Variants in C7orf33 observed in about 807,000 individuals in gnomAD.
The protein encoded by C7orf33 is chromosome 7 open reading frame 33.
A neutral mutation model predicts 13.4 loss-of-function variants in C7orf33; 15 were observed. The ratio of observed to expected loss-of-function variants is 1.12; its 90% CI spans 0.75 to 1.72. The LOEUF is 1.72. Among genes scored for constraint, C7orf33 ranks in the 40% most tolerant of loss-of-function variants. C7orf33 has a pLI of 0.00. For missense variants in C7orf33, 187 were observed against 220.3 expected (o/e 0.85, Z 0.96); for synonymous variants, 73 against 83.2 (o/e 0.88, Z 0.67).
At chr7:148,611,757 C>G (rs1056348293) in intron 1 of C7orf33, among the ~76,000 whole-genome samples, 8 of 152,244 alleles carry the variant, frequency 5.3e-5, no homozygotes, top group Non-Finnish European at 1.2e-4. Context: ...TCTGAAAGAG[C>G]TTGGGTTACA....
intron 1 of C7orf33, among the ~76,000 whole-genome samples, chr7:148,594,111 C>T (rs57386486): frequency 0.011 from 1,660 of 151,812 alleles, 28 homozygotes; most frequent in African/African-American, 0.038. Flanking sequence ...CCCCAGAAGC[C>T]GAGCAGACGC....
intron 1 of C7orf33, among the ~76,000 whole-genome samples, chr7:148,612,450 G>A (rs1404525184): frequency 6.6e-6 from 1 of 152,092 alleles, no homozygotes; most frequent in African/African-American, 2.4e-5. Flanking sequence ...ATGTATTATC[G>A]ACAAAGTGTA....
At chr7:148,600,793 G>A (rs1361586155) in intron 1 of C7orf33, among the ~76,000 whole-genome samples, 1 of 146,278 alleles carries the variant, frequency 6.8e-6, no homozygotes, top group African/African-American at 2.6e-5. Flanking sequence ...TCCATTTTAT[G>A]GACTTCTTTT....
intron 1 of C7orf33, 121 bp downstream of exon 1, chr7:148,591,250 T>C (rs1442459876): frequency 2.4e-6 from 2 of 842,704 alleles, no homozygotes; most frequent in Non-Finnish European, 3.8e-6. Context: ...GAACTGGGCT[T>C]AACGACATTG....
rs1796263288 is a variant in C7orf33 at position 148,591,056 on chromosome 7, C to T, written c.131C>T (p.Ala44Val). 1 of 1,613,970 alleles carries T rather than the reference C, an allele frequency of 6.2e-7. No individual in the cohort carries two copies. Among genetic ancestry groups the T allele is most frequent in the Admixed American group, 1.7e-5 (1 of 59,970 alleles). Residue 44 changes from alanine (A) to valine (V), a missense_variant, in exon 1 of 3, where the codon GCA (alanine) becomes GTA (valine). Transcript: ENST00000307003. Reference sequence around the variant, plus strand: ...ATTGACCTTCGCCTGAGTGGGAGGGCAGTCGCTGTTTGGGTCCACGTTAGG... The same window carrying T: ...ATTGACCTTCGCCTGAGTGGGAGGGTAGTCGCTGTTTGGGTCCACGTTAGG... ...RRIDLRLSGR[A>V]VAVWVHVRGG...
At chr7:148,607,462 A>G (rs1405429767) in intron 1 of C7orf33, among the ~76,000 whole-genome samples, 1 of 152,190 alleles carries the variant, frequency 6.6e-6, no homozygotes, top group Non-Finnish European at 1.5e-5. Context: ...ACTCCCACAC[A>G]TGTCTGGAAG....
At chr7:148,597,657 C>T (rs1361181980) in intron 1 of C7orf33, among the ~76,000 whole-genome samples, 4 of 152,204 alleles carry the variant, frequency 2.6e-5, no homozygotes, top group African/African-American at 7.2e-5. Flanking sequence ...ATACTAGCCC[C>T]ATCCTTCCCA....
intron 1 of C7orf33, among the ~76,000 whole-genome samples, chr7:148,606,933 T>TACAC (rs112000703): frequency 0.071 from 9,880 of 139,226 alleles, 502 homozygotes; most frequent in East Asian, 0.23. Context: ...AAAAAAAAAA[T>TACAC]ACACACACAC....
intron 1 of C7orf33, among the ~76,000 whole-genome samples, chr7:148,605,511 TGTGA>T (rs1222893556): frequency 6.6e-6 from 1 of 152,224 alleles, no homozygotes; most frequent in African/African-American, 2.4e-5. Flanking sequence ...TCACTGCTCC[TGTGA>T]GTATCATCCT....
chr7:148,599,132 G>A (rs1309289111), intron 1 of C7orf33, among the ~76,000 whole-genome samples: 1 of 151,930 alleles, frequency 6.6e-6, no homozygotes, highest in Admixed American at 6.6e-5. Flanking sequence ...CAAAGTGCTG[G>A]GATTACAGGT....
At chr7:148,604,360 C>T (rs1302806807) in intron 1 of C7orf33, among the ~76,000 whole-genome samples, 1 of 152,192 alleles carries the variant, frequency 6.6e-6, no homozygotes, top group Non-Finnish European at 1.5e-5. Context: ...CTCCTGACCT[C>T]AAGTAATCCA....
intron 1 of C7orf33, among the ~76,000 whole-genome samples, chr7:148,605,120 T>C (rs1796459394): frequency 6.6e-6 from 1 of 152,076 alleles, no homozygotes; most frequent in Non-Finnish European, 1.5e-5. Context: ...TAGTCACAGC[T>C]ACAAACAAAG....
At chr7:148,598,198 T>C (rs890601525) in intron 1 of C7orf33, among the ~76,000 whole-genome samples, 1 of 152,164 alleles carries the variant, frequency 6.6e-6, no homozygotes, top group Non-Finnish European at 1.5e-5. Context: ...CCACCCCTTA[T>C]ATGAGGCTTA....
chr7:148,608,767 C>T (rs1005956880), intron 1 of C7orf33, among the ~76,000 whole-genome samples: 2 of 151,568 alleles, frequency 1.3e-5, no homozygotes, highest in Non-Finnish European at 1.5e-5. Flanking sequence ...CAGTGAGCCA[C>T]GGTCACACCT....
chr7:148,595,278 TTATA>T (rs1796315932), intron 1 of C7orf33, among the ~76,000 whole-genome samples: 1 of 143,006 alleles, frequency 7.0e-6, no homozygotes, highest in South Asian at 2.1e-4. Flanking sequence ...GATATCTATA[TTATA>T]TAGATATATA....
intron 1 of C7orf33, among the ~76,000 whole-genome samples, chr7:148,597,238 A>G (rs1025986369): frequency 1.3e-5 from 2 of 151,704 alleles, no homozygotes; most frequent in East Asian, 3.9e-4. Flanking sequence ...ACCAAAAATT[A>G]TAATTAAAAT....
intron 2 of C7orf33, 86 bp downstream of exon 2, chr7:148,614,382 G>A: frequency 7.1e-7 from 1 of 1,409,724 alleles, no homozygotes; most frequent in Non-Finnish European, 9.8e-7. Flanking sequence ...AGATTGGAGG[G>A]ATTGTTGCAT....
chr7:148,597,203 A>T (rs937931468), intron 1 of C7orf33, among the ~76,000 whole-genome samples: 1 of 151,482 alleles, frequency 6.6e-6, no homozygotes, highest in East Asian at 1.9e-4. Flanking sequence ...TATATAATAC[A>T]TACATATATA....
intron 1 of C7orf33, among the ~76,000 whole-genome samples, chr7:148,604,601 G>T (rs969343319): frequency 1.5e-4 from 23 of 152,158 alleles, no homozygotes; most frequent in Admixed American, 1.3e-3. Context: ...TACACATTGG[G>T]TACAGTGTAC....
Sources: allele counts gnomAD v4.1 joint callset (sites outside exome capture counted in the v4.1 genomes callset), GRCh38; gene constraint gnomAD v4.1.1; transcripts MANE v1.5; gene names NCBI Gene and HGNC (gene_info 2026-07-23, HGNC 2026-07-21).